Variants in PRKG1 observed in about 807,000 individuals in gnomAD.
PRKG1 encodes cGMP-dependent protein kinase 1.
A neutral mutation model predicts 88.1 loss-of-function variants in PRKG1; 35 were observed. The observed-to-expected ratio is 0.40, with a 90% CI of 0.30 to 0.53. The LOEUF (loss-of-function observed/expected upper bound fraction) is 0.53. PRKG1 is among the 20% of genes least tolerant of loss of function. The pLI, the probability that PRKG1 is intolerant of heterozygous loss-of-function variation, is 0.59. For missense variants in PRKG1, 540 were observed against 839.8 expected (o/e 0.64, Z 4.41); for synonymous variants, 303 against 292.5 (o/e 1.04, Z -0.37).
intron 4 of PRKG1, among the ~76,000 whole-genome samples, chr10:51,897,383 C>T (rs1841877638): frequency 6.6e-6 from 1 of 152,100 alleles, no homozygotes; most frequent in Non-Finnish European, 1.5e-5. Context: ...TACTCTTCTC[C>T]ATATGCTTCC....
chr10:51,869,414 C>T (rs182352385), intron 4 of PRKG1, among the ~76,000 whole-genome samples: 5 of 151,998 alleles, frequency 3.3e-5, no homozygotes, highest in Admixed American at 3.3e-4. Flanking sequence ...GTATGTTTTA[C>T]TTTGTGACTG....
At chr10:51,681,302 A>G (rs185773836) in intron 3 of PRKG1, among the ~76,000 whole-genome samples, 14 of 152,298 alleles carry the variant, frequency 9.2e-5, no homozygotes, top group East Asian at 3.9e-4. Flanking sequence ...TAAATTTTAT[A>G]TAGAATATTA....
intron 7 of PRKG1, among the ~76,000 whole-genome samples, chr10:52,093,357 A>G (rs995563785): frequency 4.6e-5 from 7 of 152,180 alleles, no homozygotes; most frequent in African/African-American, 1.4e-4. Context: ...CATTTGTCAG[A>G]GAAAATAACT....
At chr10:51,324,571 C>CAAA (rs34429733) in intron 2 of PRKG1, among the ~76,000 whole-genome samples, 8 of 84,444 alleles carry the variant, frequency 9.5e-5, no homozygotes, top group Admixed American at 2.6e-4. Flanking sequence ...ACTAAAAATA[C>CAAA]AAAAAAAAAA....
Position 51,019,806 on chromosome 10 carries a change from C to CA in PRKG1, c.266+28171dup, listed in dbSNP as rs201443054. 2.5e-3 allele frequency among the ~76,000 whole-genome samples: 375 copies of CA among 148,606 alleles called. 2 individuals are homozygous for CA. The highest frequency in any genetic ancestry group is 6.5e-3 in the African/African-American group (265 of 40,536). On this transcript the variant is annotated intron_variant, in intron 1 of 17. Transcript: ENST00000401604. ...CCTGAAACTAAGCAACAAAACAAAACAAAAAAAAACTCAATTTAAAAATGG... is the reference window on the plus strand; with the variant it reads ...CCTGAAACTAAGCAACAAAACAAAACAAAAAAAAAACTCAATTTAAAAATGG...
chr10:52,037,042 G>C (rs1156373504), intron 5 of PRKG1, among the ~76,000 whole-genome samples: 2 of 152,282 alleles, frequency 1.3e-5, no homozygotes, highest in African/African-American at 2.4e-5. Flanking sequence ...CAGCCGCTAA[G>C]CCGAGAAGAT....
At chr10:51,421,807 A>G (rs538642026) in intron 2 of PRKG1, among the ~76,000 whole-genome samples, 5 of 152,284 alleles carry the variant, frequency 3.3e-5, no homozygotes, top group Non-Finnish European at 2.9e-5. Context: ...TAAGATCCCT[A>G]TTGAAACACT....
chr10:51,023,801 C>G (rs1043795816), intron 1 of PRKG1, among the ~76,000 whole-genome samples: 1 of 152,038 alleles, frequency 6.6e-6, no homozygotes, highest in Non-Finnish European at 1.5e-5. Context: ...TTTAGATAAC[C>G]CTGGTTATGC....
intron 5 of PRKG1, among the ~76,000 whole-genome samples, chr10:51,933,235 T>C (rs1032333189): frequency 1.3e-5 from 2 of 152,178 alleles, no homozygotes; most frequent in African/African-American, 4.8e-5. Flanking sequence ...ATAGAAGGGC[T>C]TGCATCTATT....
intron 5 of PRKG1, among the ~76,000 whole-genome samples, chr10:52,001,463 A>G (rs184423094): frequency 1.3e-5 from 2 of 152,048 alleles, no homozygotes; most frequent in African/African-American, 4.8e-5. Context: ...ATCACATTGT[A>G]TATCCTAAAC....
At chr10:51,618,040 T>C (rs1839108173) in intron 3 of PRKG1, among the ~76,000 whole-genome samples, 1 of 152,252 alleles carries the variant, frequency 6.6e-6, no homozygotes, top group Non-Finnish European at 1.5e-5. Context: ...ATTGCAATTG[T>C]ATCTGTCCCA....
At chr10:51,178,932 T>C (rs184828840) in intron 2 of PRKG1, among the ~76,000 whole-genome samples, 20 of 152,338 alleles carry the variant, frequency 1.3e-4, no homozygotes, top group Non-Finnish European at 2.5e-4. Flanking sequence ...ATTAGTACAC[T>C]AGACTGAATA....
chr10:51,289,549 T>C (rs1298769966), intron 2 of PRKG1, among the ~76,000 whole-genome samples: 1 of 152,082 alleles, frequency 6.6e-6, no homozygotes, highest in Non-Finnish European at 1.5e-5. Context: ...ATTAAGAGAT[T>C]GTACTAGATG....
intron 4 of PRKG1, among the ~76,000 whole-genome samples, chr10:51,905,785 G>T (rs1842073904): frequency 6.6e-6 from 1 of 152,004 alleles, no homozygotes; most frequent in Non-Finnish European, 1.5e-5. Context: ...ATATTTCATG[G>T]GTAGAACTTT....
At chr10:50,999,498 C>A (rs1232415660) in intron 1 of PRKG1, among the ~76,000 whole-genome samples, 1 of 152,114 alleles carries the variant, frequency 6.6e-6, no homozygotes, top group Non-Finnish European at 1.5e-5. Flanking sequence ...CCTTTTTAGT[C>A]CAATTTAGAG....
chr10:51,907,635 C>A, intron 5 of PRKG1, 65 bp downstream of exon 5: 1 of 1,404,570 alleles, frequency 7.1e-7, no homozygotes, highest in Non-Finnish European at 1.0e-6. Flanking sequence ...GCTTCTTTCA[C>A]AGCTGTGTGA....
intron 3 of PRKG1, among the ~76,000 whole-genome samples, chr10:51,700,476 C>T (rs1040512222): frequency 6.6e-6 from 1 of 152,222 alleles, no homozygotes; most frequent in African/African-American, 2.4e-5. Flanking sequence ...TTATATCATG[C>T]AGTGAGTCCA....
chr10:51,092,267 G>A (rs1299793099), intron 1 of PRKG1, among the ~76,000 whole-genome samples: 1 of 152,200 alleles, frequency 6.6e-6, no homozygotes, highest in Non-Finnish European at 1.5e-5. Context: ...CGGGCTTAGA[G>A]AGAAAGGGAG....
chr10:51,730,919 GC>G (rs1239631559), intron 3 of PRKG1, among the ~76,000 whole-genome samples: 4 of 152,204 alleles, frequency 2.6e-5, no homozygotes, highest in Non-Finnish European at 4.4e-5. Flanking sequence ...ACTTTGGGAG[GC>G]CGAGGCGGGT....
Sources: allele counts gnomAD v4.1 joint callset (sites outside exome capture counted in the v4.1 genomes callset), GRCh38; gene constraint gnomAD v4.1.1; transcripts MANE v1.5; gene names NCBI Gene and HGNC (gene_info 2026-07-23, HGNC 2026-07-21).